The following PLCG2 variants were observed in gnomAD, a reference collection of about 807,000 sequenced individuals.
PLCG2 encodes the protein phospholipase C gamma 2.
In PLCG2, 69 loss-of-function variants were observed where a neutral mutation model predicts 175.6. The observed-to-expected ratio is 0.39, with a 90% CI of 0.32 to 0.48. The LOEUF (loss-of-function observed/expected upper bound fraction) is 0.48. Ranked by LOEUF, PLCG2 falls within the 20% of genes least tolerant of loss-of-function variation. The pLI is 0.91. For synonymous variants in PLCG2, 827 were observed against 624.0 expected (o/e 1.33, Z -4.85); for missense variants, 1,798 against 1,650.9 (o/e 1.09, Z -1.54).
intron 1 of PLCG2, among the ~76,000 whole-genome samples, chr16:81,741,637 C>T (rs1322920598): frequency 1.3e-5 from 2 of 152,150 alleles, no homozygotes; most frequent in Admixed American, 1.3e-4. Flanking sequence ...TGGTGAAACC[C>T]TGTCTCTACG....
chr16:81,916,248 A>T (rs904198978), intron 19 of PLCG2, among the ~76,000 whole-genome samples: 1 of 152,042 alleles, frequency 6.6e-6, no homozygotes, highest in Admixed American at 6.5e-5. Context: ...AATCGCTTAA[A>T]GCAATATATT....
upstream of PLCG2, among the ~76,000 whole-genome samples, chr16:81,778,662 G>T (rs1010240666): frequency 5.6e-4 from 86 of 152,310 alleles, no homozygotes; most frequent in African/African-American, 1.9e-3. Context: ...TTTTACAGAT[G>T]GGGAAACTGA....
At chr16:81,802,654 C>T (rs1297674960) in intron 2 of PLCG2, among the ~76,000 whole-genome samples, 3 of 151,994 alleles carry the variant, frequency 2.0e-5, no homozygotes, top group African/African-American at 7.2e-5. Flanking sequence ...TCACTACAAC[C>T]TCTGCCTCCC....
intron 2 of PLCG2, among the ~76,000 whole-genome samples, chr16:81,839,595 A>G (rs916743796): frequency 1.6e-4 from 25 of 152,200 alleles, no homozygotes; most frequent in Admixed American, 3.3e-4. Flanking sequence ...TTAATTTTAT[A>G]TAGAAAAGAA....
intron 12 of PLCG2, chr16:81,895,537 G>A (rs1294312338): frequency 5.4e-6 from 2 of 373,330 alleles, no homozygotes; most frequent in Non-Finnish European, 4.9e-6. Flanking sequence ...TCCAGCCTGG[G>A]CAACAGAGCG....
At chr16:81,741,969 C>A (rs1909603989) in intron 1 of PLCG2, among the ~76,000 whole-genome samples, 1 of 152,168 alleles carries the variant, frequency 6.6e-6, no homozygotes, top group Non-Finnish European at 1.5e-5. Flanking sequence ...TGCAGAACGC[C>A]AGAGCGCGTT....
chr16:81,856,533 C>T (rs567609991), intron 3 of PLCG2, among the ~76,000 whole-genome samples: 37 of 152,292 alleles, frequency 2.4e-4, no homozygotes, highest in African/African-American at 8.4e-4. Flanking sequence ...TCCCTCTGTG[C>T]CATCTTGATT....
Position 81,869,314 on chromosome 16 carries a change from C to A in PLCG2, c.564+16C>A. On this transcript the variant is annotated intron_variant, in intron 6 of 32. Transcript: ENST00000564138. ...TAAGTTTGTGGTAAGTTTCATGGCT[C>A]AGCCTGGGAATTTTATGAATGCGGA... 2 of 1,582,194 alleles carry A rather than the reference C, an allele frequency of 1.3e-6. No individual in the cohort carries two copies. The highest frequency in any genetic ancestry group is 1.3e-5 in the African/African-American group (1 of 74,418).
chr16:81,829,143 C>G (rs909532507), intron 2 of PLCG2, among the ~76,000 whole-genome samples: 2 of 152,162 alleles, frequency 1.3e-5, no homozygotes, highest in African/African-American at 4.8e-5. Context: ...GAGTCTGGCT[C>G]TGTCACCCAG....
chr16:81,793,563 T>C (rs1911333414), intron 2 of PLCG2, among the ~76,000 whole-genome samples: 2 of 152,318 alleles, frequency 1.3e-5, no homozygotes. Context: ...CTTAGGCATA[T>C]CTTCTCTGTC....
chr16:81,779,076 C>T (rs1241346016), upstream of PLCG2, among the ~76,000 whole-genome samples: 1 of 152,230 alleles, frequency 6.6e-6, no homozygotes, highest in Non-Finnish European at 1.5e-5. Context: ...GGTAGCCTCC[C>T]CTCGGGTTGC....
intron 1 of PLCG2, chr16:81,739,448 C>G (rs896544991): frequency 1.3e-5 from 2 of 152,104 alleles, no homozygotes; most frequent in Non-Finnish European, 2.9e-5. Context: ...TAAGTGGCCT[C>G]TATTTCTGGT....
chr16:81,801,495 A>G lies in PLCG2; in HGVS notation c.193+15313A>G, dbSNP rs1235439532. Among the ~76,000 whole-genome samples, 3 of 152,196 alleles carry G rather than the reference A, an allele frequency of 2.0e-5. 1 individual carries two copies. Among genetic ancestry groups the G allele is most frequent in the African/African-American group, 7.2e-5 (3 of 41,454 alleles). ...TTAACATCCATGAGCAATTTCACTC[A>G]ACAGTACAGCACGATAGATTGATCT... On this transcript the variant is annotated intron_variant, in intron 2 of 32. Coordinates refer to ENST00000564138, the MANE Select transcript of PLCG2 (RefSeq NM_002661.5).
chr16:81,945,013 C>T (rs768032180), intron 30 of PLCG2, among the ~76,000 whole-genome samples: 5 of 151,958 alleles, frequency 3.3e-5, no homozygotes, highest in Non-Finnish European at 5.9e-5. Flanking sequence ...ATTATGGTTA[C>T]AAAATGGAAT....
At chr16:81,762,640 CAG>C (rs1433528130) in intron 2 of PLCG2, among the ~76,000 whole-genome samples, 4 of 151,554 alleles carry the variant, frequency 2.6e-5, no homozygotes, top group Non-Finnish European at 5.9e-5. Context: ...ATAGATGAAA[CAG>C]AATCATTAGG....
intron 2 of PLCG2, among the ~76,000 whole-genome samples, chr16:81,771,007 G>A (rs1387035267): frequency 6.6e-6 from 1 of 150,558 alleles, no homozygotes; most frequent in Non-Finnish European, 1.5e-5. Flanking sequence ...GCCGTGAGCC[G>A]AGATTATGCC....
intron 2 of PLCG2, among the ~76,000 whole-genome samples, chr16:81,765,044 C>T (rs1213037382): frequency 1.6e-5 from 1 of 62,832 alleles, no homozygotes; most frequent in Non-Finnish European, 4.6e-5. Flanking sequence ...ACCGTGATCA[C>T]CCCATTGCAC....
intron 2 of PLCG2, among the ~76,000 whole-genome samples, chr16:81,826,825 C>T (rs1435375063): frequency 2.0e-5 from 3 of 152,216 alleles, no homozygotes; most frequent in African/African-American, 7.2e-5. Context: ...TAGTATGACT[C>T]TCAAGGCTGC....
intron 5 of PLCG2, among the ~76,000 whole-genome samples, chr16:81,863,443 T>G (rs1050022014): frequency 6.6e-6 from 1 of 152,262 alleles, no homozygotes; most frequent in Non-Finnish European, 1.5e-5. Flanking sequence ...GCTTATCTAC[T>G]TCTCCATCGA....
Sources: allele counts gnomAD v4.1 joint callset (sites outside exome capture counted in the v4.1 genomes callset), GRCh38; gene constraint gnomAD v4.1.1; transcripts MANE v1.5; gene names NCBI Gene and HGNC (gene_info 2026-07-23, HGNC 2026-07-21).